Variants in CISD2 observed in about 807,000 individuals in gnomAD.
CISD2 encodes CDGSH iron sulfur domain 2.
A neutral mutation model predicts 12.9 loss-of-function variants in CISD2; 1 was observed. The observed-to-expected ratio is 0.08, with a 90% CI of 0.03 to 0.37. CISD2 has a LOEUF of 0.37. Among genes scored for constraint, CISD2 ranks in the 10% least tolerant of loss-of-function variants. CISD2 has a pLI of 0.99. For synonymous variants in CISD2, 50 were observed against 60.6 expected (o/e 0.83, Z 0.81); for missense variants, 97 against 163.1 (o/e 0.59, Z 2.21).
chr4:102,876,819 C>G (rs1387177163), intron 1 of CISD2, among the ~76,000 whole-genome samples: 3 of 152,068 alleles, frequency 2.0e-5, no homozygotes, highest in Non-Finnish European at 4.4e-5. Flanking sequence ...ACTCACAGTT[C>G]TGCATGGCTA....
At chr4:102,876,404 A>G (rs1296995999) in intron 1 of CISD2, among the ~76,000 whole-genome samples, 1 of 152,232 alleles carries the variant, frequency 6.6e-6, no homozygotes, top group African/African-American at 2.4e-5. Context: ...CATTTAGCAC[A>G]GTATCTCTAC....
chr4:102,870,380 A>G (rs897996677), intron 1 of CISD2, among the ~76,000 whole-genome samples: 4 of 152,136 alleles, frequency 2.6e-5, no homozygotes, highest in African/African-American at 9.7e-5. Context: ...CTCAAAGATG[A>G]AAAAAACAAA....
chr4:102,891,189 T>G lies in CISD2; in HGVS notation c.*3759T>G, dbSNP rs1253120135. ...AATTAAGTGGTAATTGAAAAAGTCTTCTTTTTAAAAAATTTTTAATGGTAG... is the reference window on the plus strand; with the variant it reads ...AATTAAGTGGTAATTGAAAAAGTCTGCTTTTTAAAAAATTTTTAATGGTAG... On this transcript the variant is annotated 3_prime_UTR_variant, in exon 3 of 3. Transcript: ENST00000273986. The G allele has an allele frequency of 6.8e-6, 1 of 147,364 alleles. No homozygotes were observed. Among genetic ancestry groups the G allele is most frequent in the African/African-American group, 2.7e-5 (1 of 37,114 alleles). 9.1% of individuals were successfully genotyped at this position (147,364 alleles called of 1,614,324 possible). A position where few individuals can be genotyped will look rare whatever the true frequency, so the allele number is the denominator to read the frequency against.
intron 1 of CISD2, among the ~76,000 whole-genome samples, chr4:102,881,509 G>T (rs1258255836): frequency 6.6e-6 from 1 of 152,224 alleles, no homozygotes; most frequent in Non-Finnish European, 1.5e-5. Flanking sequence ...CACATCATAT[G>T]CATGTATGCA....
Position 102,869,027 on chromosome 4 carries a change from G to C in CISD2, c.-58G>C. On this transcript the variant is annotated 5_prime_UTR_variant, in exon 1 of 3. Coordinates refer to ENST00000273986, the MANE Select transcript of CISD2 (RefSeq NM_001008388.5). ...GGCCGCTTCCGCTCCCGGCGCAGGC[G>C]CGGCAGCTTGGCCAGAGCGGAGGGG... 1.3e-6 allele frequency: 2 copies of C among 1,519,398 alleles called. No individual in the cohort carries two copies. Among genetic ancestry groups the C allele is most frequent in the African/African-American group, 2.8e-5 (2 of 71,196 alleles). 94.1% of individuals were successfully genotyped at this position (1,519,398 alleles called of 1,614,324 possible). A position where few individuals can be genotyped will look rare whatever the true frequency, so the allele number is the denominator to read the frequency against.
intron 1 of CISD2, among the ~76,000 whole-genome samples, chr4:102,875,219 C>A (rs1249355764): frequency 1.3e-5 from 2 of 152,258 alleles, no homozygotes; most frequent in East Asian, 3.8e-4. Context: ...CCCATATTCC[C>A]ATGAACTTCT....
rs1733380300 is a variant in CISD2, at chr4:102,869,802, G to GAA, written c.103+616_103+617insAA. On this transcript the variant is annotated intron_variant, in intron 1 of 2. Coordinates refer to ENST00000273986, the MANE Select transcript of CISD2 (RefSeq NM_001008388.5). ...CTGCGGTAACTTAAGTTGGAAGAAA[G>GAA]ATACCTTACCCAAGAAAGTATTCGA... is the stretch of plus-strand genomic sequence containing the variant. 3.3e-5 allele frequency among the ~76,000 whole-genome samples: 5 copies of GAA among 152,218 alleles called. No individual in the cohort carries two copies. In the South Asian group the frequency reaches 6.2e-4, roughly 19 times the overall value.
chr4:102,886,203 C>T (rs76611891), intron 2 of CISD2, among the ~76,000 whole-genome samples: 6 of 151,990 alleles, frequency 3.9e-5, no homozygotes, highest in East Asian at 3.9e-4. Flanking sequence ...AACGAATACA[C>T]GCAGGCCAGG....
chr4:102,885,122 A>C (rs1303607389), intron 1 of CISD2, 94 bp from the exon 2 acceptor site: 1 of 1,027,302 alleles, frequency 9.7e-7, no homozygotes, highest in Admixed American at 1.8e-5. Context: ...TAATGTAAAA[A>C]GTAACAAAGA....
intron 1 of CISD2, among the ~76,000 whole-genome samples, chr4:102,882,554 ATCT>A (rs1733748415): frequency 6.6e-6 from 1 of 152,170 alleles, no homozygotes; most frequent in African/African-American, 2.4e-5. Flanking sequence ...AGAGCCAATG[ATCT>A]ATAGTAGCAT....
Position 102,891,960 on chromosome 4 carries a change from T to C in CISD2, c.*4530T>C, listed in dbSNP as rs1363325738. ...AAGCTGTTTTGTTTTGTTTTAACTA[T>C]GCTTCATCATCTGAGGTTGTGTTAA... On this transcript the variant is annotated 3_prime_UTR_variant, in exon 3 of 3. Coordinates refer to ENST00000273986, the MANE Select transcript of CISD2 (RefSeq NM_001008388.5). The C allele has an allele frequency of 1.3e-5, 2 of 152,232 alleles. No individual in the cohort carries two copies. The highest frequency in any genetic ancestry group is 1.5e-5 in the Non-Finnish European group (1 of 68,044). The allele number at this position is 152,232 out of a possible 1,614,324, so 9.4% of individuals were successfully genotyped here.
intron 1 of CISD2, among the ~76,000 whole-genome samples, chr4:102,883,854 C>G (rs1733788729): frequency 1.3e-5 from 2 of 152,196 alleles, no homozygotes; most frequent in African/African-American, 4.8e-5. Context: ...AAAGGAGTTG[C>G]TAGTACTTCC....
intron 1 of CISD2, among the ~76,000 whole-genome samples, chr4:102,873,930 A>C (rs1472777037): frequency 1.3e-5 from 2 of 151,992 alleles, no homozygotes; most frequent in East Asian, 3.9e-4. Context: ...GTACGAAACT[A>C]GCCTGGCCAA....
In CISD2 at chr4:102,888,594, C is replaced by CTATT. The variant is rs1327474065; in HGVS notation, c.*1165_*1168dup. The CTATT allele has an allele frequency of 4.6e-5, 7 of 152,270 alleles. No individual in the cohort carries two copies. Among genetic ancestry groups the CTATT allele is most frequent in the African/African-American group, 1.7e-4 (7 of 41,472 alleles). The allele number at this position is 152,270 out of a possible 1,614,324, so 9.4% of individuals were successfully genotyped here. ...AAAATTTTTGTGCTTTTTAATCCTA[C>CTATT]TATTATGAATCTTTTTAGTTTCATC... is the stretch of plus-strand genomic sequence containing the variant. On this transcript the variant is annotated 3_prime_UTR_variant, in exon 3 of 3. Coordinates refer to ENST00000273986, the MANE Select transcript of CISD2 (RefSeq NM_001008388.5).
At chr4:102,871,908 T>C (rs1456626799) in intron 1 of CISD2, among the ~76,000 whole-genome samples, 7 of 152,042 alleles carry the variant, frequency 4.6e-5, no homozygotes, top group Admixed American at 4.6e-4. Flanking sequence ...TTATGATGAC[T>C]CTGCATTCTT....
chr4:102,878,520 T>A (rs1407340164), intron 1 of CISD2, among the ~76,000 whole-genome samples: 1 of 152,184 alleles, frequency 6.6e-6, no homozygotes, highest in Non-Finnish European at 1.5e-5. Context: ...CGATTTCAGG[T>A]CATCTCTCTC....
intron 1 of CISD2, among the ~76,000 whole-genome samples, chr4:102,870,364 G>A (rs1733402582): frequency 6.6e-6 from 1 of 151,870 alleles, no homozygotes; most frequent in East Asian, 1.9e-4. Flanking sequence ...TTCAGTGATA[G>A]CCCCTCTCAA....
At chr4:102,870,452 C>A (rs760610163) in intron 1 of CISD2, among the ~76,000 whole-genome samples, 2 of 152,124 alleles carry the variant, frequency 1.3e-5, no homozygotes, top group Admixed American at 6.5e-5. Context: ...ATGACAAATT[C>A]TCTTCCAAAT....
At chr4:102,880,978 G>A (rs937937550) in intron 1 of CISD2, among the ~76,000 whole-genome samples, 2 of 148,554 alleles carry the variant, frequency 1.3e-5, no homozygotes, top group South Asian at 2.1e-4. Flanking sequence ...GAAACAGAGC[G>A]AGACGCTGTC....
Sources: allele counts gnomAD v4.1 joint callset (sites outside exome capture counted in the v4.1 genomes callset), GRCh38; gene constraint gnomAD v4.1.1; transcripts MANE v1.5; gene names NCBI Gene and HGNC (gene_info 2026-07-23, HGNC 2026-07-21).